Variants in ACAD11 observed in about 807,000 individuals in gnomAD.
ACAD11 encodes the protein acyl-Coenzyme A dehydrogenase family, member 11.
A neutral mutation model predicts 102.2 loss-of-function variants in ACAD11; 83 were observed. The observed-to-expected ratio is 0.81, with a 90% CI of 0.68 to 0.97. ACAD11 has a LOEUF of 0.97. ACAD11 is among the 50% of genes least tolerant of loss of function. The probability of loss-of-function intolerance (pLI) is 0.00; values close to 1 mark genes in which losing one functional copy is unlikely to be tolerated. For missense variants in ACAD11, 901 were observed against 951.7 expected (o/e 0.95, Z 0.70); for synonymous variants, 324 against 319.8 (o/e 1.01, Z -0.14).
At chr3:132,569,096 C>A (rs1559932322) in intron 17 of ACAD11, among the ~76,000 whole-genome samples, 1 of 151,944 alleles carries the variant, frequency 6.6e-6, no homozygotes. Flanking sequence ...TATTTACAAA[C>A]TACATATCTG....
chr3:132,577,006 T>A lies in ACAD11; in HGVS notation c.1784A>T (p.His595Leu). ...LSVFGYTDNF[H>L]GGHFEIHFNQ... The stretch of plus-strand genomic sequence containing the variant: ...AAAATGGATCTCAAAATGTCCTCCA[T>A]GAAAATTATCTATAAAATAGAAAAT... The change falls in exon 16 of 20, where the codon CAT becomes CTT. Residue 595 changes from histidine to leucine, a missense_variant. Coordinates refer to ENST00000264990, the MANE Select transcript of ACAD11 (RefSeq NM_032169.5). 6.2e-7 allele frequency: 1 copy of A among 1,602,528 alleles called. No individual in the cohort carries two copies. Among genetic ancestry groups the A allele is most frequent in the Non-Finnish European group, 8.5e-7 (1 of 1,170,752 alleles).
intron 12 of ACAD11, among the ~76,000 whole-genome samples, chr3:132,603,979 T>G (rs555102085): frequency 1.3e-5 from 2 of 152,182 alleles, no homozygotes; most frequent in Non-Finnish European, 2.9e-5. Flanking sequence ...TAAGACTTAT[T>G]TTTTTTCTTT....
chr3:132,576,843 G>A lies in ACAD11; in HGVS notation c.1846+101C>T. ...TGCACGAACCTAATATCTAAATCAA[G>A]GTAGACTTCAGGTCTAAATCTGGAA... On this transcript the variant is annotated intron_variant, in intron 16 of 19. Coordinates refer to ENST00000264990, the MANE Select transcript of ACAD11 (RefSeq NM_032169.5). 4.8e-6 allele frequency: 4 copies of A among 833,172 alleles called. No individual in the cohort carries two copies. The South Asian group carries it at 4.9e-5, about 10-fold the overall frequency. The allele number at this position is 833,172 out of a possible 1,614,324, so 51.6% of individuals were successfully genotyped here.
At chr3:132,560,561 A>C (rs1473887307) in intron 18 of ACAD11, among the ~76,000 whole-genome samples, 1 of 151,972 alleles carries the variant, frequency 6.6e-6, no homozygotes, top group Non-Finnish European at 1.5e-5. Flanking sequence ...TACAGGTACA[A>C]GTTACCATGT....
intron 1 of ACAD11, among the ~76,000 whole-genome samples, 187 bp from the exon 2 acceptor site, chr3:132,645,083 C>G (rs980118107): frequency 6.6e-6 from 1 of 152,170 alleles, no homozygotes; most frequent in Non-Finnish European, 1.5e-5. Context: ...TGGCAACATA[C>G]TGGCAGCTGG....
Position 132,642,084 on chromosome 3 carries a change from C to G in ACAD11, c.425G>C (p.Arg142Pro). Residue 142 changes from arginine (R) to proline (P), a missense_variant, in exon 4 of 20, where the codon CGT (arginine) becomes CCT (proline). Coordinates refer to ENST00000264990, the MANE Select transcript of ACAD11 (RefSeq NM_032169.5). Reference sequence around the variant, plus strand: ...TACCGTGGCCACATATATGGCTGAACGTTCTGCTGGGCTAAGTCCAGGAAT... The same window carrying G: ...TACCGTGGCCACATATATGGCTGAAGGTTCTGCTGGGCTAAGTCCAGGAAT... Reference protein sequence around the residue: ...LTIPGLSPAERSAIYVATVET... With the variant: ...LTIPGLSPAEPSAIYVATVET... The G allele has an allele frequency of 6.2e-7, 1 of 1,614,024 alleles. No individual in the cohort carries two copies. Among genetic ancestry groups the G allele is most frequent in the Non-Finnish European group, 8.5e-7 (1 of 1,179,946 alleles).
intron 11 of ACAD11, among the ~76,000 whole-genome samples, chr3:132,617,561 C>T (rs540861564): frequency 6.6e-6 from 1 of 152,256 alleles, no homozygotes; most frequent in South Asian, 2.1e-4. Context: ...ACTACCACCC[C>T]AGTCTAAACC....
At chr3:132,568,143 C>T (rs1305392914) in intron 17 of ACAD11, among the ~76,000 whole-genome samples, 2 of 152,184 alleles carry the variant, frequency 1.3e-5, no homozygotes, top group Admixed American at 1.3e-4. Context: ...TGGAGAATCG[C>T]TTGAACCCAG....
At chr3:132,569,449 A>C (rs969602086) in intron 17 of ACAD11, among the ~76,000 whole-genome samples, 18 of 152,228 alleles carry the variant, frequency 1.2e-4, no homozygotes, top group African/African-American at 3.9e-4. Context: ...ACCACATGAC[A>C]CAGTAATTGC....
At chr3:132,629,423 G>A (rs1939948461) in intron 7 of ACAD11, among the ~76,000 whole-genome samples, 1 of 152,208 alleles carries the variant, frequency 6.6e-6, no homozygotes, top group African/African-American at 2.4e-5. Context: ...GCCTCCCAAA[G>A]TGCTGGGATT....
chr3:132,626,111 G>A (rs1445412590), intron 9 of ACAD11, among the ~76,000 whole-genome samples: 1 of 152,086 alleles, frequency 6.6e-6, no homozygotes, highest in Non-Finnish European at 1.5e-5. Context: ...ATGAGCATAA[G>A]CCCTGTATGT....
intron 9 of ACAD11, among the ~76,000 whole-genome samples, chr3:132,624,305 T>C (rs1303631185): frequency 1.4e-5 from 2 of 144,174 alleles, no homozygotes; most frequent in Admixed American, 1.4e-4. Context: ...CCCTGTCTCT[T>C]GAAGGAAAAA....
At chr3:132,639,737 C>G (rs1042981135) in intron 4 of ACAD11, 81 bp from the exon 5 acceptor site, 1 of 1,358,528 alleles carries the variant, frequency 7.4e-7, no homozygotes, top group East Asian at 2.5e-5. Context: ...AAACAAAATT[C>G]AAATGCTGTT....
At chr3:132,617,459 C>G (rs1221844429) in intron 11 of ACAD11, among the ~76,000 whole-genome samples, 1 of 152,172 alleles carries the variant, frequency 6.6e-6, no homozygotes, top group Non-Finnish European at 1.5e-5. Context: ...ATCCTTGACT[C>G]TTCCATTAAT....
intron 9 of ACAD11, among the ~76,000 whole-genome samples, chr3:132,623,804 T>G (rs114829657): frequency 0.014 from 2,083 of 152,330 alleles, 57 homozygotes; most frequent in African/African-American, 0.048. Context: ...TATATGCTTA[T>G]TCACATTTAC....
chr3:132,626,518 C>T lies in ACAD11; in HGVS notation c.1197+173G>A, dbSNP rs534030170. Among the ~76,000 whole-genome samples, 63 of 152,254 alleles carry T rather than the reference C, an allele frequency of 4.1e-4. 2 individuals carry two copies. In the South Asian group the frequency reaches 0.013, roughly 31 times the overall value. On this transcript the variant is annotated intron_variant, in intron 9 of 19. Transcript: ENST00000264990. ...TTTGGCTTAATTTTAATGCCACAGA[C>T]TTATCTGTGCATTCCCTTTGTTCTA... is the stretch of plus-strand genomic sequence containing the variant.
chr3:132,616,741 C>A (rs1939422042), intron 11 of ACAD11, among the ~76,000 whole-genome samples: 3 of 152,070 alleles, frequency 2.0e-5, no homozygotes. Flanking sequence ...ATCATGCTAC[C>A]TTTGTAGAAT....
intron 9 of ACAD11, among the ~76,000 whole-genome samples, chr3:132,622,331 C>G (rs1418680469): frequency 6.6e-6 from 1 of 152,090 alleles, no homozygotes; most frequent in South Asian, 2.1e-4. Context: ...ATGAACAGCC[C>G]TTCTCATTTC....
intron 1 of ACAD11, among the ~76,000 whole-genome samples, chr3:132,655,099 G>A (rs1449053761): frequency 6.6e-6 from 1 of 152,158 alleles, no homozygotes; most frequent in Non-Finnish European, 1.5e-5. Context: ...GACCACTGCC[G>A]TATATGCAGC....
Sources: gnomAD v4.1 joint callset for allele counts (sites outside exome capture counted in the v4.1 genomes callset) on GRCh38, gnomAD v4.1.1 for gene constraint, MANE v1.5 for transcripts, NCBI Gene and HGNC (gene_info 2026-07-23, HGNC 2026-07-21) for gene names.